The following MIA3 variants were observed in gnomAD, a reference collection of about 807,000 sequenced individuals.
The protein encoded by MIA3 is MIA SH3 domain ER export factor 3, also known as transport and Golgi organization protein 1 homolog.
A neutral mutation model predicts 192.4 loss-of-function variants in MIA3; 90 were observed. That is an observed-to-expected ratio of 0.47 (90% confidence interval 0.39 to 0.56). The LOEUF (loss-of-function observed/expected upper bound fraction) is 0.56, where lower values mean the gene tolerates loss of function less well. Among genes scored for constraint, MIA3 ranks in the 20% least tolerant of loss-of-function variants. The probability of loss-of-function intolerance (pLI) is 0.00; values close to 1 mark genes in which losing one functional copy is unlikely to be tolerated. For synonymous variants in MIA3, 740 were observed against 792.8 expected (o/e 0.93, Z 1.12); for missense variants, 2,123 against 2,269.4 (o/e 0.94, Z 1.31).
At chr1:222,663,733 C>T (rs896693070) in intron 26 of MIA3, among the ~76,000 whole-genome samples, 2 of 152,170 alleles carry the variant, frequency 1.3e-5, no homozygotes, top group African/African-American at 4.8e-5. Flanking sequence ...TCAGGAATGA[C>T]CTCCATTTAT....
At chr1:222,640,761 TTTAATCAAAATAAAA>T (rs1662818932) in intron 6 of MIA3, among the ~76,000 whole-genome samples, 1 of 152,278 alleles carries the variant, frequency 6.6e-6, no homozygotes, top group Admixed American at 6.5e-5. Flanking sequence ...ATTATTTGGA[TTTAATCAAAATAAAA>T]ACATCTCTTC....
intron 6 of MIA3, among the ~76,000 whole-genome samples, chr1:222,644,130 G>T (rs78606358): frequency 0.13 from 19,206 of 152,174 alleles, 1,821 homozygotes; most frequent in African/African-American, 0.27. Flanking sequence ...TTAAGTCGCC[G>T]GTTCCTGGCG....
chr1:222,654,152 G>A, intron 15 of MIA3, 91 bp from the exon 16 acceptor site: 2 of 1,219,604 alleles, frequency 1.6e-6, no homozygotes, highest in Non-Finnish European at 1.2e-6. Context: ...GTTTGAACAT[G>A]ACAATTGTTT....
intron 6 of MIA3, among the ~76,000 whole-genome samples, chr1:222,634,380 C>A (rs985501774): frequency 6.6e-6 from 1 of 152,154 alleles, no homozygotes; most frequent in South Asian, 2.1e-4. Context: ...TGGAGGGACT[C>A]AGGGAAAGTC....
At chr1:222,621,802 C>CTTGT (rs1163667894) in intron 2 of MIA3, among the ~76,000 whole-genome samples, 2 of 129,492 alleles carry the variant, frequency 1.5e-5, no homozygotes, top group Non-Finnish European at 3.4e-5. Context: ...CGTGTGCTTT[C>CTTGT]TTGTTTGTTT....
chr1:222,659,870 T>G, intron 22 of MIA3, 36 bp from the exon 23 acceptor site: 1 of 1,602,194 alleles, frequency 6.2e-7, no homozygotes, highest in Non-Finnish European at 8.5e-7. Flanking sequence ...ATTTCATATT[T>G]AACTCTTTCT....
chr1:222,630,157 C>T lies in MIA3; in HGVS notation c.2937C>T (p.Phe979=). Residue 979 remains phenylalanine, a synonymous_variant, in exon 4 of 28, where the codon TTC becomes TTT. Transcript: ENST00000344922. ...TGGAAAAAGTCCTAGATAAGGTCTT[C>T]CGTGCTTCTGAGTCACAAATTCTGA... ...YNMEKVLDKV[F]RASESQILSI... 1 of 1,614,188 alleles carries T rather than the reference C, an allele frequency of 6.2e-7. No individual in the cohort carries two copies. Among genetic ancestry groups the T allele is most frequent in the South Asian group, 1.1e-5 (1 of 91,074 alleles).
Position 222,628,160 on chromosome 1 carries a change from G to A in MIA3, c.940G>A (p.Val314Ile). 1 of 1,614,006 alleles carries A rather than the reference G, an allele frequency of 6.2e-7. No individual in the cohort carries two copies. The highest frequency in any genetic ancestry group is 8.5e-7 in the Non-Finnish European group (1 of 1,180,018). ...GGAATTGGATACTGAGTATTATGCA[G>A]TTGGAAAGGAAGATGAGGAGAACCA... ...DEELDTEYYA[V>I]GKEDEENQED... The change falls in exon 4 of 28, where the codon GTT becomes ATT. Residue 314 changes from valine to isoleucine, a missense_variant. Val to Ile is a conservative substitution (Grantham distance 29, BLOSUM62 3). Transcript: ENST00000344922.
chr1:222,641,884 T>C (rs1475761853), intron 6 of MIA3: 1 of 459,820 alleles, frequency 2.2e-6, no homozygotes, highest in East Asian at 6.4e-5. Context: ...AGCCTAAAAC[T>C]GGAAAAAATC....
chr1:222,661,941 T>C, intron 24 of MIA3, 115 bp from the exon 25 acceptor site: 1 of 723,908 alleles, frequency 1.4e-6, no homozygotes, highest in South Asian at 1.8e-5. Context: ...TTCATAAATA[T>C]TGGGAGACCC....
rs765984165 is a variant in MIA3, at chr1:222,652,249, G to A, written c.4003G>A (p.Ala1335Thr). Residue 1335 changes from alanine to threonine, a missense_variant, in exon 13 of 28, where the codon GCT becomes ACT. Around this residue, in one of 3 missense-constraint regions of MIA3, gnomAD observed 762 missense variants for 856.4 expected, o/e 0.89. Coordinates refer to ENST00000344922, the MANE Select transcript of MIA3 (RefSeq NM_198551.4). ...FSEVQIALNEAKLSEEKVKSE... is the reference protein window; with the variant it reads ...FSEVQIALNETKLSEEKVKSE... ...TTAGGTTCAGATTGCACTTAATGAA[G>A]CTAAGCTTAGTGAAGAGAAGGTGAA... 7 of 1,613,348 alleles carry A rather than the reference G, an allele frequency of 4.3e-6. No individual in the cohort carries two copies. The highest frequency in any genetic ancestry group is 5.9e-6 in the Non-Finnish European group (7 of 1,179,374).
Position 222,664,025 on chromosome 1 carries a change from C to G in MIA3, c.5290C>G (p.Pro1764Ala). Reference protein sequence around the residue: ...KVNMAPKGPPPFPGVPLMSTP... With the variant: ...KVNMAPKGPPAFPGVPLMSTP... ...TAATATGGCTCCAAAAGGGCCCCCT[C>G]CTTTCCCAGGAGTCCCTCTCATGAG... is the stretch of plus-strand genomic sequence containing the variant. The change falls in exon 27 of 28, where the codon CCT becomes GCT. Residue 1764 changes from proline to alanine, a missense_variant. Physicochemically the swap from Pro to Ala is conservative, Grantham distance 27. This residue lies in a region of MIA3 where 762 missense variants were observed against 856.4 expected (regional missense o/e 0.89). Coordinates refer to ENST00000344922, the MANE Select transcript of MIA3 (RefSeq NM_198551.4). The G allele has an allele frequency of 6.2e-7, 1 of 1,614,070 alleles. No individual in the cohort carries two copies. The highest frequency in any genetic ancestry group is 1.1e-5 in the South Asian group (1 of 91,084).
In MIA3 at chr1:222,653,116, G is replaced by A. The variant is rs752842314; in HGVS notation, c.4195G>A (p.Asp1399Asn). The A allele has an allele frequency of 6.2e-7, 1 of 1,610,410 alleles. No individual in the cohort carries two copies. The highest frequency in any genetic ancestry group is 8.5e-7 in the Non-Finnish European group (1 of 1,176,942). Residue 1399 changes from aspartate (D) to asparagine (N), a missense_variant, in exon 14 of 28, where the codon GAT becomes AAT. This residue lies in a region of MIA3 where 762 missense variants were observed against 856.4 expected (regional missense o/e 0.89). Coordinates refer to ENST00000344922, the MANE Select transcript of MIA3 (RefSeq NM_198551.4). ...TTTGGAAGTAGCTCTTACTCACAAG[G>A]ATGATAATATTAATGTAAGTGCGTT... is the stretch of plus-strand genomic sequence containing the variant. Reference protein sequence around the residue: ...KDLEVALTHKDDNINALTNCI... With the variant: ...KDLEVALTHKNDNINALTNCI...
chr1:222,651,827 C>A, intron 11 of MIA3, 150 bp from the exon 12 acceptor site: 1 of 644,620 alleles, frequency 1.6e-6, no homozygotes, highest in South Asian at 1.8e-5. Flanking sequence ...TTGATTTTTC[C>A]CGAGGGCAAA....
At chr1:222,636,612 A>G (rs1662637041) in intron 6 of MIA3, among the ~76,000 whole-genome samples, 1 of 149,624 alleles carries the variant, frequency 6.7e-6, no homozygotes, top group South Asian at 2.1e-4. Flanking sequence ...TCCCGGGTTC[A>G]AGCGATTCTC....
At chr1:222,658,271 A>C (rs1324433709) in intron 18 of MIA3, among the ~76,000 whole-genome samples, 1 of 152,216 alleles carries the variant, frequency 6.6e-6, no homozygotes, top group Non-Finnish European at 1.5e-5. Context: ...AAGCTCTTTC[A>C]TTGGCTGTCT....
Position 222,654,470 on chromosome 1 carries a change from A to G in MIA3, c.4459A>G (p.Asn1487Asp). Residue 1487 changes from asparagine (N) to aspartate (D), a missense_variant, in exon 17 of 28, where the codon AAC becomes GAC. Around this residue, in one of 3 missense-constraint regions of MIA3, gnomAD observed 762 missense variants for 856.4 expected, o/e 0.89. Transcript: ENST00000344922. ...KLRASVSTKC[N>D]LEDQVKKLED... ...AAGAGCCTCCGTGTCCACTAAATGT[A>G]ACCTGGAAGGTAGGTTGCTTCTTGA... The G allele has an allele frequency of 6.2e-7, 1 of 1,612,806 alleles. No individual in the cohort carries two copies. The highest frequency in any genetic ancestry group is 8.5e-7 in the Non-Finnish European group (1 of 1,179,104).
chr1:222,643,884 G>C (rs1662981884), intron 6 of MIA3, among the ~76,000 whole-genome samples: 1 of 152,184 alleles, frequency 6.6e-6, no homozygotes, highest in Non-Finnish European at 1.5e-5. Flanking sequence ...CGGCAAGAAT[G>C]TGAGACAGCG....
At chr1:222,656,419 CTAGTTT>C (rs1157077786) in intron 18 of MIA3, among the ~76,000 whole-genome samples, 1 of 152,154 alleles carries the variant, frequency 6.6e-6, no homozygotes, top group Non-Finnish European at 1.5e-5. Flanking sequence ...CAGTTATCCT[CTAGTTT>C]TAAAGTTTCT....
Sources: gnomAD v4.1 joint callset for allele counts (sites outside exome capture counted in the v4.1 genomes callset) on GRCh38, gnomAD v4.1.1 for gene constraint, gnomAD v4.1.1 regional missense constraint, MANE v1.5 for transcripts, NCBI Gene and HGNC (gene_info 2026-07-23, HGNC 2026-07-21) for gene names.